The following EIF2AK3 variants were observed in gnomAD, a reference collection of about 807,000 sequenced individuals.
The protein encoded by EIF2AK3 is eukaryotic translation initiation factor 2-alpha kinase 3.
In EIF2AK3, 50 loss-of-function variants were observed where a neutral mutation model predicts 113.5. That is an observed-to-expected ratio of 0.44 (90% CI 0.35 to 0.56). The LOEUF (loss-of-function observed/expected upper bound fraction) is 0.56. Among genes scored for constraint, EIF2AK3 ranks in the 20% least tolerant of loss-of-function variants. The pLI is 0.00. For synonymous variants in EIF2AK3, 448 were observed against 495.4 expected (o/e 0.90, Z 1.27); for missense variants, 1,185 against 1,378.0 (o/e 0.86, Z 2.22).
chr2:88,560,626 T>C (rs192870801), intron 15 of EIF2AK3, among the ~76,000 whole-genome samples: 21 of 152,338 alleles, frequency 1.4e-4, no homozygotes, highest in Middle Eastern at 3.4e-3. Flanking sequence ...TTTATAACTA[T>C]ATAAATTTTG....
At chr2:88,616,625 C>T (rs563879942) in intron 1 of EIF2AK3, among the ~76,000 whole-genome samples, 2 of 152,094 alleles carry the variant, frequency 1.3e-5, no homozygotes, top group East Asian at 1.9e-4. Context: ...CGGGGTTTCA[C>T]CATGTTGGCC....
chr2:88,595,331 T>A, intron 3 of EIF2AK3, 138 bp downstream of exon 3: 1 of 824,408 alleles, frequency 1.2e-6, no homozygotes, highest in Non-Finnish European at 2.0e-6. Flanking sequence ...ACCTCACAGT[T>A]CTCTTATTAA....
intron 14 of EIF2AK3, among the ~76,000 whole-genome samples, chr2:88,566,172 G>A (rs1674118524): frequency 6.6e-6 from 1 of 152,084 alleles, no homozygotes; most frequent in South Asian, 2.1e-4. Flanking sequence ...GCTCCTCCCT[G>A]CCTTCTATTG....
chr2:88,610,052 T>C (rs1675394394), intron 2 of EIF2AK3, among the ~76,000 whole-genome samples: 1 of 149,994 alleles, frequency 6.7e-6, no homozygotes, highest in Non-Finnish European at 1.5e-5. Context: ...AGCCCAGGAG[T>C]TGGAGGCTAC....
rs1290556322 is a variant in EIF2AK3, at chr2:88,590,479, C to G, written c.1129G>C (p.Ala377Pro). 1 of 1,613,846 alleles carries G rather than the reference C, an allele frequency of 6.2e-7. No individual in the cohort carries two copies. Among genetic ancestry groups the G allele is most frequent in the African/African-American group, 1.3e-5 (1 of 74,912 alleles). ...VLEDEEDIVE[A>P]ARGATENSVY... Reference sequence around the variant, plus strand: ...CTGTTTTCTGTGGCTCCTCTGGCAGCTTCTACAATGTCTTCTTCATCTTCT... The same window carrying G: ...CTGTTTTCTGTGGCTCCTCTGGCAGGTTCTACAATGTCTTCTTCATCTTCT... The change falls in exon 6 of 17, where the codon GCT becomes CCT. Residue 377 changes from alanine to proline, a missense_variant. By Grantham distance (27) the Ala-to-Pro change is conservative. Transcript: ENST00000303236.
intron 16 of EIF2AK3, 108 bp downstream of exon 16, chr2:88,558,809 C>A (rs374228444): frequency 2.2e-6 from 2 of 890,392 alleles, no homozygotes; most frequent in East Asian, 5.3e-5. Flanking sequence ...CCTCTCTAGA[C>A]CTTTGGCTTC....
intron 2 of EIF2AK3, among the ~76,000 whole-genome samples, chr2:88,607,033 T>C (rs1675295010): frequency 6.6e-6 from 1 of 152,186 alleles, no homozygotes; most frequent in Admixed American, 6.5e-5. Flanking sequence ...ATAAAGGTAT[T>C]CATCTAAGTA....
chr2:88,584,448 C>T (rs905523531), intron 9 of EIF2AK3, among the ~76,000 whole-genome samples: 4 of 138,342 alleles, frequency 2.9e-5, no homozygotes, highest in Non-Finnish European at 4.6e-5. Flanking sequence ...ACCCAGGAGG[C>T]GGAGGTTGCA....
intron 1 of EIF2AK3, among the ~76,000 whole-genome samples, chr2:88,615,996 T>C (rs1409322280): frequency 6.6e-6 from 1 of 151,848 alleles, no homozygotes; most frequent in Non-Finnish European, 1.5e-5. Flanking sequence ...TGAAACACAC[T>C]CTATATGGCT....
At chr2:88,627,687 A>C, upstream of EIF2AK3, 1 of 171,702 alleles carries the variant, frequency 5.8e-6, no homozygotes, top group Non-Finnish European at 1.2e-5. Context: ...ACGTCTTTTT[A>C]CCTGATTGGT....
chr2:88,604,944 G>A (rs368447219), intron 2 of EIF2AK3, among the ~76,000 whole-genome samples: 125 of 152,230 alleles, frequency 8.2e-4, no homozygotes, highest in African/African-American at 2.9e-3. Context: ...CAAAGATCTC[G>A]GGTTGAGTCT....
Position 88,590,653 on chromosome 2 carries a change from T to C in EIF2AK3, c.1003-48A>G, listed in dbSNP as rs374267588. ...TCTTAAATAATTCAAGCAGTAGTTA[T>C]ATAGTTCCAACCCATAAAATACCAT... On this transcript the variant is annotated intron_variant, in intron 5 of 16. Transcript: ENST00000303236. 4 of 1,599,112 alleles carry C rather than the reference T, an allele frequency of 2.5e-6. No homozygotes were observed. In the African/African-American group the frequency reaches 5.4e-5, roughly 21 times the overall value.
chr2:88,627,870 CGT>C (rs1558669471), upstream of EIF2AK3: 1 of 152,062 alleles, frequency 6.6e-6, no homozygotes, highest in Non-Finnish European at 1.5e-5. Context: ...GCACTTACTA[CGT>C]GGCGGATTCT....
At chr2:88,561,263 CTT>C (rs755832317) in intron 15 of EIF2AK3, among the ~76,000 whole-genome samples, 3 of 137,002 alleles carry the variant, frequency 2.2e-5, no homozygotes, top group Admixed American at 7.4e-5. Context: ...CAGAGGGCTA[CTT>C]TTTTTTTTTT....
Position 88,557,695 on chromosome 2 carries a change from T to C in EIF2AK3, c.*41A>G. ...CAGGCATATTCTAAGAAGTAGGCTA[T>C]TATCTGCATCACCTATTAGGGTTGC... On this transcript the variant is annotated 3_prime_UTR_variant, in exon 17 of 17. Transcript: ENST00000303236. The C allele has an allele frequency of 6.2e-7, 1 of 1,601,544 alleles. No homozygotes were observed. The highest frequency in any genetic ancestry group is 8.6e-7 in the Non-Finnish European group (1 of 1,168,520).
rs71378880 is a variant in EIF2AK3, at chr2:88,609,945, C to CAAAA, written c.438+3775_438+3778dup. ...GCAAAATAAGAAAACTCCATCTCTA[C>CAAAA]AAAAAAAAAAAAAAAAAAAAAAAAA... is the stretch of plus-strand genomic sequence containing the variant. On this transcript the variant is annotated intron_variant, in intron 2 of 16. Coordinates refer to ENST00000303236, the MANE Select transcript of EIF2AK3 (RefSeq NM_004836.7). Among the ~76,000 whole-genome samples the CAAAA allele has an allele frequency of 2.5e-3, 96 of 38,820 alleles. 8 individuals are homozygous for CAAAA. The highest frequency in any genetic ancestry group is 0.019 in the Middle Eastern group (1 of 54). The allele number at this position is 38,820 out of a possible 152,430, so 25.5% of individuals were successfully genotyped here.
chr2:88,592,724 T>C (rs1038180179), intron 4 of EIF2AK3, among the ~76,000 whole-genome samples: 4 of 149,140 alleles, frequency 2.7e-5, no homozygotes, highest in Non-Finnish European at 5.9e-5. Context: ...GATCATGCCA[T>C]TGCACTCCAG....
At chr2:88,582,652 GT>G (rs1270745476) in intron 10 of EIF2AK3, among the ~76,000 whole-genome samples, 2 of 152,050 alleles carry the variant, frequency 1.3e-5, no homozygotes, top group African/African-American at 4.8e-5. Context: ...ATATGCCTAT[GT>G]ATAAGATATA....
At chr2:88,586,288 G>C (rs551598327) in intron 8 of EIF2AK3, among the ~76,000 whole-genome samples, 27 of 151,592 alleles carry the variant, frequency 1.8e-4, no homozygotes, top group African/African-American at 6.5e-4. Flanking sequence ...TTTATATTAA[G>C]TAATAAGACT....
Sources: allele counts gnomAD v4.1 joint callset (sites outside exome capture counted in the v4.1 genomes callset), GRCh38; gene constraint gnomAD v4.1.1; transcripts MANE v1.5; gene names NCBI Gene and HGNC (gene_info 2026-07-23, HGNC 2026-07-21).